Variants in FRYL observed in about 807,000 individuals in gnomAD.
FRYL encodes the protein protein furry homolog-like.
A neutral mutation model predicts 351.2 loss-of-function variants in FRYL; 150 were observed. The ratio of observed to expected loss-of-function variants is 0.43; its 90% CI spans 0.37 to 0.49. The LOEUF is 0.49. Among genes scored for constraint, FRYL ranks in the 20% least tolerant of loss-of-function variants. The probability of loss-of-function intolerance (pLI) is 0.00; values close to 1 mark genes in which losing one functional copy is unlikely to be tolerated. For synonymous variants in FRYL, 1,153 were observed against 1,257.1 expected (o/e 0.92, Z 1.75); for missense variants, 3,036 against 3,619.3 (o/e 0.84, Z 4.13).
At chr4:48,508,632 A>G (rs1464913776) in intron 59 of FRYL, among the ~76,000 whole-genome samples, 46 of 152,136 alleles carry the variant, frequency 3.0e-4, no homozygotes, top group Non-Finnish European at 2.9e-5. Context: ...TCATGAGTCT[A>G]CAGTCATTGA....
In FRYL at chr4:48,518,254, T is replaced by C. The variant is rs895258840; in HGVS notation, c.7689+2794A>G. Among the ~76,000 whole-genome samples the C allele has an allele frequency of 3.3e-5, 5 of 152,300 alleles. No individual in the cohort carries two copies. The South Asian group carries it at 6.2e-4, about 19-fold the overall frequency. ...AACCTCCCAACAACTGAAAGGAATA[T>C]AGTCTACTTAAAATCCATCTCTAAA... On this transcript the variant is annotated intron_variant, in intron 55 of 63. Transcript: ENST00000358350.
At position 48,647,339 on chromosome 4, in the gene FRYL, A is replaced by T. The variant is rs1301678158; in HGVS notation, c.-80-12849T>A. On this transcript the variant is annotated intron_variant, in intron 3 of 63. Coordinates refer to ENST00000358350, the MANE Select transcript of FRYL (RefSeq NM_015030.2). ...CAGGTACAGAGAAAGGTCATGACAG[A>T]TATGTTAATAAAATAGAGGGTCAAA... Among the ~76,000 whole-genome samples the T allele has an allele frequency of 3.2e-4, 48 of 152,156 alleles. 1 individual carries two copies. The highest frequency in any genetic ancestry group is 3.1e-3 in the Admixed American group (48 of 15,270).
chr4:48,670,602 C>G (rs1037038565), intron 3 of FRYL, among the ~76,000 whole-genome samples: 2 of 152,162 alleles, frequency 1.3e-5, no homozygotes, highest in African/African-American at 4.8e-5. Context: ...CTGATCTCAT[C>G]ACTGCTTTTC....
intron 12 of FRYL, 80 bp downstream of exon 12, chr4:48,603,210 C>T (rs1195947940): frequency 1.9e-6 from 2 of 1,026,330 alleles, no homozygotes; most frequent in East Asian, 2.4e-5. Flanking sequence ...TTACCATTCT[C>T]TTAAATTTCC....
chr4:48,610,707 T>TATATTATATAC (rs1560710819), intron 7 of FRYL, among the ~76,000 whole-genome samples: 1 of 144,518 alleles, frequency 6.9e-6, no homozygotes, highest in African/African-American at 2.5e-5. Flanking sequence ...ATTATATACA[T>TATATTATATAC]ATATATTATA....
At chr4:48,554,577 G>A (rs1733661976) in intron 35 of FRYL, among the ~76,000 whole-genome samples, 1 of 152,194 alleles carries the variant, frequency 6.6e-6, no homozygotes, top group African/African-American at 2.4e-5. Flanking sequence ...GACCTCAGGT[G>A]ATCCTCCTGC....
chr4:48,553,968 C>T (rs564653873), intron 35 of FRYL, among the ~76,000 whole-genome samples: 6 of 152,136 alleles, frequency 3.9e-5, no homozygotes, highest in Non-Finnish European at 7.4e-5. Context: ...AGTAATAGCA[C>T]CTACTTCATA....
At chr4:48,683,119 C>A (rs1413605866) in intron 3 of FRYL, among the ~76,000 whole-genome samples, 3 of 151,960 alleles carry the variant, frequency 2.0e-5, no homozygotes, top group African/African-American at 7.3e-5. Context: ...GTCCTTTGCA[C>A]GGACATGGAT....
intron 47 of FRYL, among the ~76,000 whole-genome samples, chr4:48,538,643 T>TA (rs1312531382): frequency 6.6e-6 from 1 of 151,990 alleles, no homozygotes; most frequent in South Asian, 2.1e-4. Context: ...TCCCAGCTTT[T>TA]AAAAAAAATT....
intron 1 of FRYL, among the ~76,000 whole-genome samples, chr4:48,776,958 C>T (rs1517674): frequency 0.47 from 70,874 of 151,842 alleles, 17,346 homozygotes; most frequent in Admixed American, 0.61. Context: ...ACTGACATAC[C>T]CACTGTCCTT....
chr4:48,522,453 C>T (rs1335470562), intron 54 of FRYL, among the ~76,000 whole-genome samples: 1 of 152,140 alleles, frequency 6.6e-6, no homozygotes, highest in East Asian at 1.9e-4. Flanking sequence ...TTCTTGCACC[C>T]GTACTCTTCT....
At chr4:48,501,778 G>C in intron 61 of FRYL, 45 bp from the exon 62 acceptor site, 1 of 1,099,404 alleles carries the variant, frequency 9.1e-7, no homozygotes, top group Non-Finnish European at 1.4e-6. Context: ...TTATTTTCTA[G>C]ACAGCATATT....
chr4:48,522,893 T>C lies in FRYL; in HGVS notation c.7521+8A>G, dbSNP rs753598883. 1.9e-5 allele frequency: 31 copies of C among 1,606,016 alleles called. No homozygotes were observed. Among genetic ancestry groups the C allele is most frequent in the South Asian group, 1.4e-4 (13 of 90,942 alleles). ...CAAATGTCACTGTAAGAAAAGTGAA[T>C]TGTATACCATCTGTGTGCGTGAGAG... On this transcript the variant is annotated splice_region_variant and intron_variant, in intron 54 of 63. Coordinates refer to ENST00000358350, the MANE Select transcript of FRYL (RefSeq NM_015030.2).
At chr4:48,600,687 C>A (rs942631301) in intron 13 of FRYL, among the ~76,000 whole-genome samples, 3 of 152,046 alleles carry the variant, frequency 2.0e-5, no homozygotes, top group African/African-American at 7.2e-5. Context: ...CATTTAAATG[C>A]ATATCTTAAA....
At chr4:48,605,665 A>C in intron 11 of FRYL, 76 bp downstream of exon 11, 1 of 970,630 alleles carries the variant, frequency 1.0e-6, no homozygotes, top group East Asian at 2.5e-5. Context: ...TATTTTTAGG[A>C]CAAAAAATAA....
At chr4:48,678,100 G>A (rs755811299) in intron 3 of FRYL, among the ~76,000 whole-genome samples, 25 of 152,144 alleles carry the variant, frequency 1.6e-4, no homozygotes, top group African/African-American at 2.9e-4. Context: ...TGAGATTCAA[G>A]AGAAGGTATT....
chr4:48,545,639 T>C (rs1214162460), intron 42 of FRYL, among the ~76,000 whole-genome samples: 1 of 152,186 alleles, frequency 6.6e-6, no homozygotes, highest in Non-Finnish European at 1.5e-5. Flanking sequence ...TCAGAGTGGA[T>C]TCCTCACCAT....
chr4:48,560,335 AG>A (rs1735189312), intron 33 of FRYL, among the ~76,000 whole-genome samples: 1 of 152,218 alleles, frequency 6.6e-6, no homozygotes, highest in South Asian at 2.1e-4. Flanking sequence ...GGAATTTGTC[AG>A]GTTGAGAGGC....
chr4:48,696,165 T>A (rs1258631876), intron 2 of FRYL, among the ~76,000 whole-genome samples: 1 of 152,022 alleles, frequency 6.6e-6, no homozygotes, highest in Non-Finnish European at 1.5e-5. Flanking sequence ...GATCCAGCAA[T>A]CCCATTACTG....
Sources: gnomAD v4.1 joint callset for allele counts (sites outside exome capture counted in the v4.1 genomes callset) on GRCh38, gnomAD v4.1.1 for gene constraint, MANE v1.5 for transcripts, NCBI Gene and HGNC (gene_info 2026-07-23, HGNC 2026-07-21) for gene names.